Variants in ANKRD62 observed in about 807,000 individuals in gnomAD.
The protein encoded by ANKRD62 is ankyrin repeat domain-containing protein 62.
A neutral mutation model predicts 98.8 loss-of-function variants in ANKRD62; 61 were observed. That is an observed-to-expected ratio of 0.62 (90% CI 0.50 to 0.76). ANKRD62 has a LOEUF of 0.76. Ranked by LOEUF, ANKRD62 falls within the 30% of genes least tolerant of loss-of-function variation. The probability of loss-of-function intolerance (pLI) is 0.00; values close to 1 mark genes in which losing one functional copy is unlikely to be tolerated. For synonymous variants in ANKRD62, 341 were observed against 367.9 expected (o/e 0.93, Z 0.84); for missense variants, 933 against 1,082.9 (o/e 0.86, Z 1.94).
intron 6 of ANKRD62, 32 bp downstream of exon 6, chr18:12,099,714 G>T (rs1360623605): frequency 1.6e-6 from 2 of 1,281,174 alleles, no homozygotes; most frequent in South Asian, 1.8e-5. Context: ...TCCTCTCGAT[G>T]GTCCTGTCAT....
At chr18:12,098,752 C>G (rs11662286) in intron 5 of ANKRD62, among the ~76,000 whole-genome samples, 31,633 of 152,110 alleles carry the variant, frequency 0.21, 4,253 homozygotes, top group East Asian at 0.55. Flanking sequence ...AAAAAATAAC[C>G]ACTTGCATCT....
downstream of ANKRD62, among the ~76,000 whole-genome samples, chr18:12,133,156 G>A (rs866722603): frequency 6.6e-6 from 1 of 152,036 alleles, no homozygotes; most frequent in African/African-American, 2.4e-5. Flanking sequence ...TATTATATAA[G>A]TGAAATCATA....
In ANKRD62 at chr18:12,097,668, G is replaced by A; in HGVS notation, c.643G>A (p.Gly215Arg). 1 of 1,535,616 alleles carries A rather than the reference G, an allele frequency of 6.5e-7. No individual in the cohort carries two copies. Among genetic ancestry groups the A allele is most frequent in the Non-Finnish European group, 8.7e-7 (1 of 1,146,592 alleles). ...RTALILAARNGSTSVVYQLLQ... is the reference protein window; with the variant it reads ...RTALILAARNRSTSVVYQLLQ... ...AGCCCTGATACTTGCTGCTCGTAAT[G>A]GATCAACAAGTGTAGTCTACCAGCT... Residue 215 changes from glycine (G) to arginine (R), a missense_variant, in exon 5 of 14, where the codon GGA (glycine) becomes AGA (arginine). Gly to Arg is a moderately radical substitution (Grantham distance 125). This residue lies in a region of ANKRD62 where 549 missense variants were observed against 587.9 expected (regional missense o/e 0.93). Transcript: ENST00000587848.
At chr18:12,139,784 T>C in the ANKRD62 span, among the ~76,000 whole-genome samples, 1 of 152,178 alleles carries the variant, frequency 6.6e-6, no homozygotes, top group Non-Finnish European at 1.5e-5. Context: ...TTAACATTTT[T>C]TCCTTCATTT....
At chr18:12,138,619 T>C in the ANKRD62 span, among the ~76,000 whole-genome samples, 1 of 152,180 alleles carries the variant, frequency 6.6e-6, no homozygotes. Flanking sequence ...TTCTGTCTCG[T>C]TGATCTGTCT....
chr18:12,172,745 G>T, the ANKRD62 span, among the ~76,000 whole-genome samples: 1 of 152,228 alleles, frequency 6.6e-6, no homozygotes, highest in Non-Finnish European at 1.5e-5. Context: ...TTGAGCTGCA[G>T]TGGGCTCCAC....
chr18:12,100,797 T>C (rs149432661), intron 6 of ANKRD62, among the ~76,000 whole-genome samples: 100 of 152,358 alleles, frequency 6.6e-4, no homozygotes, highest in Non-Finnish European at 1.2e-3. Flanking sequence ...AGATTTGTTC[T>C]ATCTGCTAGT....
rs1406893462 is a variant in ANKRD62 at position 12,115,139 on chromosome 18, T to G, written c.1098+18T>G. ...AGAGCAAGGTATTATAAAAGTAAATTGTCAAGAATGCTGTTGAACATACCT... is the reference window on the plus strand; with the variant it reads ...AGAGCAAGGTATTATAAAAGTAAATGGTCAAGAATGCTGTTGAACATACCT... On this transcript the variant is annotated intron_variant, in intron 9 of 13. Coordinates refer to ENST00000587848, the MANE Select transcript of ANKRD62 (RefSeq NM_001277333.2). The G allele has an allele frequency of 2.9e-6, 4 of 1,397,372 alleles. No homozygotes were observed. Among genetic ancestry groups the G allele is most frequent in the Non-Finnish European group, 3.7e-6 (4 of 1,081,460 alleles). 86.6% of individuals were successfully genotyped at this position (1,397,372 alleles called of 1,614,324 possible). A position where few individuals can be genotyped will look rare whatever the true frequency, so the allele number is the denominator to read the frequency against.
the ANKRD62 span, among the ~76,000 whole-genome samples, chr18:12,146,725 G>C: frequency 2.0e-5 from 3 of 152,256 alleles, no homozygotes; most frequent in Non-Finnish European, 4.4e-5. Context: ...GATTACAGGG[G>C]TGAGCCACCG....
chr18:12,169,409 G>A, the ANKRD62 span, among the ~76,000 whole-genome samples: 1 of 152,028 alleles, frequency 6.6e-6, no homozygotes, highest in African/African-American at 2.4e-5. Context: ...TTTGTCTTTG[G>A]TTCTGTTTAT....
the ANKRD62 span, among the ~76,000 whole-genome samples, chr18:12,146,512 C>T: frequency 1.3e-5 from 2 of 152,214 alleles, no homozygotes; most frequent in African/African-American, 4.8e-5. Context: ...GTGGCACAAT[C>T]TCGGCTCACC....
At chr18:12,123,188 C>G (rs1182133906) in intron 11 of ANKRD62, among the ~76,000 whole-genome samples, 6 of 151,884 alleles carry the variant, frequency 4.0e-5, no homozygotes, top group Non-Finnish European at 7.4e-5. Context: ...GCTGGGATTA[C>G]AGGCACACGT....
At chr18:12,122,621 A>G in intron 11 of ANKRD62, 105 bp downstream of exon 11, 1 of 942,418 alleles carries the variant, frequency 1.1e-6, no homozygotes, top group Non-Finnish European at 1.5e-6. Flanking sequence ...AATAGAGAAG[A>G]AAACCTCTTA....
At chr18:12,138,543 C>A in the ANKRD62 span, among the ~76,000 whole-genome samples, 1 of 152,132 alleles carries the variant, frequency 6.6e-6, no homozygotes, top group East Asian at 1.9e-4. Context: ...GTGGAGAGTT[C>A]TGTAGATGTC....
At chr18:12,157,209 A>T in the ANKRD62 span, among the ~76,000 whole-genome samples, 1 of 152,214 alleles carries the variant, frequency 6.6e-6, no homozygotes, top group Non-Finnish European at 1.5e-5. Flanking sequence ...TATTTCAACA[A>T]GCATTTTTAA....
At chr18:12,164,929 A>C in the ANKRD62 span, among the ~76,000 whole-genome samples, 2 of 151,988 alleles carry the variant, frequency 1.3e-5, no homozygotes, top group Non-Finnish European at 2.9e-5. Flanking sequence ...TTTTAGCTGT[A>C]ATAATATTTG....
chr18:12,145,645 G>A, the ANKRD62 span, among the ~76,000 whole-genome samples: 5 of 152,288 alleles, frequency 3.3e-5, no homozygotes, highest in East Asian at 1.9e-4. Flanking sequence ...TCTTGCCAGT[G>A]GTCTCCAGCT....
At chr18:12,131,137 A>G (rs1909997551), downstream of ANKRD62, among the ~76,000 whole-genome samples, 1 of 152,102 alleles carries the variant, frequency 6.6e-6, no homozygotes, top group Admixed American at 6.6e-5. Flanking sequence ...AGCATTTTGG[A>G]TTTCAGATTT....
At chr18:12,117,539 C>T (rs1909690872) in intron 10 of ANKRD62, among the ~76,000 whole-genome samples, 2 of 152,178 alleles carry the variant, frequency 1.3e-5, no homozygotes, top group South Asian at 4.1e-4. Context: ...CTGTGTTGTT[C>T]TTTATCTTCT....
Sources: gnomAD v4.1 joint callset for allele counts (sites outside exome capture counted in the v4.1 genomes callset) on GRCh38, gnomAD v4.1.1 for gene constraint, gnomAD v4.1.1 regional missense constraint, MANE v1.5 for transcripts, NCBI Gene and HGNC (gene_info 2026-07-23, HGNC 2026-07-21) for gene names.